Variants in RHOA observed in about 807,000 individuals in gnomAD.
RHOA encodes ras homolog family member A.
A neutral mutation model predicts 17.5 loss-of-function variants in RHOA; 3 were observed. The ratio of observed to expected loss-of-function variants is 0.17; its 90% CI spans 0.08 to 0.44. RHOA has a LOEUF of 0.44. Among genes scored for constraint, RHOA ranks in the 20% least tolerant of loss-of-function variants. The probability of loss-of-function intolerance (pLI) is 0.99; values close to 1 mark genes in which losing one functional copy is unlikely to be tolerated. For missense variants in RHOA, 56 were observed against 242.3 expected, an observed-to-expected ratio of 0.23 and a Z score of 5.10; for synonymous variants, 98 against 88.4, an observed-to-expected ratio of 1.11 and a Z score of -0.61.
rs536632680 is a variant in RHOA, at chr3:49,411,683, G to A, written c.-3+137C>T. ...GCCCGGGCTGGGAGTCAGGTCAAGG[G>A]TCAGGGGCCAGGGGCGGCTCGGCCA... On this transcript the variant is annotated intron_variant, in intron 1 of 4. Coordinates refer to ENST00000418115, the MANE Select transcript of RHOA (RefSeq NM_001664.4). 56 of 152,368 alleles carry A rather than the reference G, an allele frequency of 3.7e-4. No homozygotes were observed. The East Asian group carries it at 0.011, about 29-fold the overall frequency. The allele number at this position is 152,368 out of a possible 1,614,324, so 9.4% of individuals were successfully genotyped here.
At chr3:49,374,202 T>C (rs970506136) in intron 2 of RHOA, among the ~76,000 whole-genome samples, 4 of 151,886 alleles carry the variant, frequency 2.6e-5, no homozygotes, top group African/African-American at 9.7e-5. Flanking sequence ...TACAAAAAAT[T>C]AGCCAGTCTG....
chr3:49,393,723 TGTGTGTGA>T (rs1559512265), intron 1 of RHOA, among the ~76,000 whole-genome samples: 7 of 99,544 alleles, frequency 7.0e-5, no homozygotes, highest in African/African-American at 2.0e-4. Flanking sequence ...TGTGTGTGTG[TGTGTGTGA>T]CAGAATCTCG....
intron 2 of RHOA, among the ~76,000 whole-genome samples, chr3:49,374,743 A>C (rs114615681): frequency 2.0e-3 from 306 of 152,162 alleles, no homozygotes; most frequent in African/African-American, 6.6e-3. Context: ...CAAAACAAAA[A>C]AAAAACACAT....
At chr3:49,393,676 C>CTGTGTG (rs71080504) in intron 1 of RHOA, among the ~76,000 whole-genome samples, 218 of 10,338 alleles carry the variant, frequency 0.021, 5 homozygotes, top group African/African-American at 0.05. Flanking sequence ...AATTCTCTCT[C>CTGTGTG]TGTGTGTGTG....
chr3:49,379,848 G>A (rs1299800318), intron 1 of RHOA, among the ~76,000 whole-genome samples: 1 of 152,150 alleles, frequency 6.6e-6, no homozygotes, highest in African/African-American at 2.4e-5. Flanking sequence ...TTAAAAAGGT[G>A]AATTGTAAGA....
chr3:49,365,161 T>C (rs1015479319), intron 3 of RHOA: 2 of 151,328 alleles, frequency 1.3e-5, no homozygotes, highest in Non-Finnish European at 3.0e-5. Flanking sequence ...TTTTTTTTTT[T>C]AGATGGACTC....
intron 1 of RHOA, among the ~76,000 whole-genome samples, chr3:49,411,156 T>C (rs1211489976): frequency 6.6e-6 from 1 of 152,098 alleles, no homozygotes; most frequent in African/African-American, 2.4e-5. Flanking sequence ...GTTTTTTTTT[T>C]CCAAATGGAA....
chr3:49,389,992 C>T (rs898820012), intron 1 of RHOA, among the ~76,000 whole-genome samples: 2 of 151,666 alleles, frequency 1.3e-5, no homozygotes, highest in Non-Finnish European at 2.9e-5. Context: ...GATTAGTAGG[C>T]CCAAGTACAC....
chr3:49,408,165 GA>G (rs11322363), intron 1 of RHOA, among the ~76,000 whole-genome samples: 57,269 of 146,042 alleles, frequency 0.39, 12,102 homozygotes, highest in East Asian at 0.77. Flanking sequence ...TCTCAAAAGA[GA>G]AAAAAAAAAA....
At chr3:49,379,055 T>C (rs2048276677) in intron 1 of RHOA, among the ~76,000 whole-genome samples, 1 of 152,168 alleles carries the variant, frequency 6.6e-6, no homozygotes, top group African/African-American at 2.4e-5. Flanking sequence ...AACAAAAACA[T>C]ATGTCCACAT....
chr3:49,395,851 G>A (rs1466773994), intron 1 of RHOA, among the ~76,000 whole-genome samples: 2 of 152,104 alleles, frequency 1.3e-5, no homozygotes, highest in African/African-American at 4.8e-5. Flanking sequence ...AGGGGAGGTG[G>A]AATGGGCACA....
chr3:49,380,678 AAT>A (rs2048301242), intron 1 of RHOA, among the ~76,000 whole-genome samples: 2 of 15,224 alleles, frequency 1.3e-4, no homozygotes, highest in South Asian at 4.6e-3. Flanking sequence ...TCTCAAAAAT[AAT>A]AATAATAATA....
intron 1 of RHOA, among the ~76,000 whole-genome samples, chr3:49,399,590 TTC>T (rs2048687795): frequency 2.7e-5 from 4 of 147,406 alleles, no homozygotes; most frequent in Non-Finnish European, 3.0e-5. Flanking sequence ...TTTTTTTTTT[TTC>T]CCCCAGAAAG....
At chr3:49,404,887 C>G (rs2048798089) in intron 1 of RHOA, among the ~76,000 whole-genome samples, 1 of 150,700 alleles carries the variant, frequency 6.6e-6, no homozygotes, top group South Asian at 2.1e-4. Context: ...TGCAGTGAGC[C>G]GAGATCACGC....
chr3:49,396,777 G>A (rs911446044), intron 1 of RHOA, among the ~76,000 whole-genome samples: 1 of 151,698 alleles, frequency 6.6e-6, no homozygotes, highest in East Asian at 1.9e-4. Context: ...GCTTAAGCAC[G>A]AGTTCAACAC....
intron 1 of RHOA, among the ~76,000 whole-genome samples, chr3:49,387,876 T>A (rs148218616): frequency 2.0e-5 from 3 of 152,120 alleles, no homozygotes; most frequent in African/African-American, 7.2e-5. Context: ...CAATGTCACA[T>A]ATGTTTGAGT....
At chr3:49,368,101 G>A (rs1295069862) in intron 3 of RHOA, among the ~76,000 whole-genome samples, 4 of 150,878 alleles carry the variant, frequency 2.7e-5, no homozygotes, top group Non-Finnish European at 4.4e-5. Flanking sequence ...TAGTAAAGAC[G>A]GGGTTTCACC....
intron 4 of RHOA, 144 bp downstream of exon 4, chr3:49,362,352 T>A: frequency 1.3e-6 from 1 of 744,424 alleles, no homozygotes. Flanking sequence ...AAGATCCCAA[T>A]TAATGAGGGT....
chr3:49,400,713 T>C (rs1160483296), intron 1 of RHOA, among the ~76,000 whole-genome samples: 2 of 151,438 alleles, frequency 1.3e-5, no homozygotes, highest in Admixed American at 1.3e-4. Flanking sequence ...AGAGCAAGAT[T>C]GTAGCCAAAA....
Sources: gnomAD v4.1 joint callset for allele counts (sites outside exome capture counted in the v4.1 genomes callset) on GRCh38, gnomAD v4.1.1 for gene constraint, MANE v1.5 for transcripts, NCBI Gene and HGNC (gene_info 2026-07-23, HGNC 2026-07-21) for gene names.